OR10G3: variants seen among roughly 807,000 people sequenced by gnomAD.
OR10G3 encodes olfactory receptor 10G3.
OR10G3 carries 8 observed loss-of-function variants against 13.4 expected under a neutral mutation model. That is an observed-to-expected ratio of 0.60 (90% CI 0.35 to 1.08). The LOEUF is 1.08. Ranked by LOEUF, OR10G3 falls within the 50% of genes least tolerant of loss-of-function variation. The probability of loss-of-function intolerance (pLI) is 0.02; values close to 1 mark genes in which losing one functional copy is unlikely to be tolerated. For synonymous variants in OR10G3, 142 were observed against 156.1 expected (o/e 0.91, Z 0.67); for missense variants, 393 against 386.6 (o/e 1.02, Z -0.14).
rs900146806 is a variant in OR10G3, at chr14:21,576,351, G to A, written c.-18+3435C>T. ...TTAATACTTCATGGTCCCTGGAAAT[G>A]AAATTAGGAATCAAATGTGTAATTC... On this transcript the variant is annotated intron_variant, in intron 1 of 1. Coordinates refer to ENST00000641040, the MANE Select transcript of OR10G3 (RefSeq NM_001005465.2). Among the ~76,000 whole-genome samples the A allele has an allele frequency of 4.6e-5, 7 of 152,318 alleles. No individual in the cohort carries two copies. In the South Asian group the frequency reaches 1.4e-3, roughly 32 times the overall value.
intron 1 of OR10G3, among the ~76,000 whole-genome samples, chr14:21,576,125 G>A (rs1274134804): frequency 7.9e-5 from 12 of 152,178 alleles, no homozygotes; most frequent in African/African-American, 2.4e-5. Context: ...GGTCACTGAG[G>A]TCTGTTGTTA....
chr14:21,570,687 G>A lies in OR10G3; in HGVS notation c.58C>T (p.Pro20Ser), dbSNP rs1193169005. The A allele has an allele frequency of 1.2e-6, 2 of 1,605,820 alleles. No individual in the cohort carries two copies. Residue 20 changes from proline (P) to serine (S), a missense_variant, in exon 2 of 2, where the codon CCA becomes TCA. By Grantham distance (74) the Pro-to-Ser change is moderately conservative. Coordinates refer to ENST00000641040, the MANE Select transcript of OR10G3 (RefSeq NM_001005465.2). Reference protein sequence around the residue: ...TAFILTGIPYPLRLRTLFFVF... With the variant: ...TAFILTGIPYSLRLRTLFFVF... ...AAAAAGAGTGTCCTTAGCCTGAGTG[G>A]ATACGGAATTCCTGTCAGGATAAAC...
Position 21,570,537 on chromosome 14 carries a change from T to A in OR10G3, c.208A>T (p.Ile70Phe). 1 of 1,614,156 alleles carries A rather than the reference T, an allele frequency of 6.2e-7. No individual in the cohort carries two copies. The highest frequency in any genetic ancestry group is 8.5e-7 in the Non-Finnish European group (1 of 1,180,024). Reference protein sequence around the residue: ...MYIFLGVLSVIDMSISSIIVP... With the variant: ...MYIFLGVLSVFDMSISSIIVP... ...ATGATGGAGGAGATGCTCATATCAA[T>A]GACTGAGAGAACACCAAGAAAGATG... Residue 70 changes from isoleucine (I) to phenylalanine (F), a missense_variant, in exon 2 of 2, where the codon ATT (isoleucine) becomes TTT (phenylalanine). By Grantham distance (21) the Ile-to-Phe change is conservative. Coordinates refer to ENST00000641040, the MANE Select transcript of OR10G3 (RefSeq NM_001005465.2).
rs1345372120 is a variant in OR10G3 at position 21,569,629 on chromosome 14, G to A, written c.*174C>T. 2.5e-5 allele frequency: 15 copies of A among 603,190 alleles called. No homozygotes were observed. Among genetic ancestry groups the A allele is most frequent in the Non-Finnish European group, 4.0e-5 (14 of 348,144 alleles). The allele number at this position is 603,190 out of a possible 1,614,324, so 37.4% of individuals were successfully genotyped here. A position where few individuals can be genotyped will look rare whatever the true frequency, so the allele number is the denominator to read the frequency against. On this transcript the variant is annotated 3_prime_UTR_variant, in exon 2 of 2. Transcript: ENST00000641040. ...TCTTGCAGTGGCTGAGAGTTATCTT[G>A]AGAGGATACTAAGGAACTGTTAGAA...
intron 1 of OR10G3, among the ~76,000 whole-genome samples, chr14:21,577,824 G>C (rs1876783625): frequency 6.6e-6 from 1 of 152,062 alleles, no homozygotes; most frequent in South Asian, 2.1e-4. Context: ...CCAACGTGAA[G>C]AAACCCCGTC....
chr14:21,576,191 G>A (rs1439864583), intron 1 of OR10G3, among the ~76,000 whole-genome samples: 1 of 152,204 alleles, frequency 6.6e-6, no homozygotes, highest in African/African-American at 2.4e-5. Flanking sequence ...GAATCAGGCT[G>A]AGGGAAATCA....
chr14:21,575,642 G>C (rs1229874654), intron 1 of OR10G3, among the ~76,000 whole-genome samples: 2 of 152,172 alleles, frequency 1.3e-5, no homozygotes, highest in African/African-American at 4.8e-5. Context: ...GCCTCCCAAA[G>C]TACTGGGATT....
In OR10G3 at chr14:21,569,927, G is replaced by C; in HGVS notation, c.818C>G (p.Ala273Gly). 1 of 1,613,296 alleles carries C rather than the reference G, an allele frequency of 6.2e-7. No homozygotes were observed. The highest frequency in any genetic ancestry group is 8.5e-7 in the Non-Finnish European group (1 of 1,179,556). ...AGTGATGGCCGTGGGGACTAGGGCA[G>C]CTGCCCCATCCAGGGGGCTGTTGGT... ...PETNSPLDGA[A>G]ALVPTAITPF... is the part of the protein sequence containing the mutation. The change falls in exon 2 of 2, where the codon GCT becomes GGT. Residue 273 changes from alanine to glycine, a missense_variant. Ala to Gly is a moderately conservative substitution (Grantham distance 60). Coordinates refer to ENST00000641040, the MANE Select transcript of OR10G3 (RefSeq NM_001005465.2).
intron 1 of OR10G3, 120 bp from the exon 2 acceptor site, chr14:21,570,881 G>A: frequency 1.6e-6 from 1 of 610,658 alleles, no homozygotes; most frequent in East Asian, 2.8e-5. Context: ...GTGGAAAGAT[G>A]ACAAGTAGGG....
chr14:21,579,621 G>T (rs2139716382), intron 1 of OR10G3, among the ~76,000 whole-genome samples, 165 bp downstream of exon 1: 1 of 152,250 alleles, frequency 6.6e-6, no homozygotes, highest in South Asian at 2.1e-4. Context: ...AAATTTTTGT[G>T]ACAGCAGAAA....
rs989188226 is a variant in OR10G3 at position 21,578,244 on chromosome 14, C to A, written c.-18+1542G>T. On this transcript the variant is annotated intron_variant, in intron 1 of 1. Coordinates refer to ENST00000641040, the MANE Select transcript of OR10G3 (RefSeq NM_001005465.2). Reference sequence around the variant, plus strand: ...TGGCCAACATGGTGAAACCTCGTCTCTACTAAAAATACAAAAATTAGCTGG... The same window carrying A: ...TGGCCAACATGGTGAAACCTCGTCTATACTAAAAATACAAAAATTAGCTGG... Among the ~76,000 whole-genome samples the A allele has an allele frequency of 4.6e-5, 7 of 151,334 alleles. No individual in the cohort carries two copies. In the East Asian group the frequency reaches 1.4e-3, roughly 30 times the overall value.
chr14:21,577,467 C>T (rs909209433), intron 1 of OR10G3, among the ~76,000 whole-genome samples: 14 of 152,176 alleles, frequency 9.2e-5, no homozygotes, highest in African/African-American at 3.4e-4. Context: ...ACTGAAAATT[C>T]CTTCCCACAA....
rs775669131 is a variant in OR10G3, at chr14:21,569,847, G to A, written c.898C>T (p.Leu300=). ...CTTGGGCTTCTGAGCATTCTTTTCA[G>A]GGCCAGCTTCACCTCTTGGTTCCGC... ...TLRNQEVKLA[L]KRMLRSPRTP... Residue 300 remains leucine, a synonymous_variant, in exon 2 of 2, where the codon CTG becomes TTG. Transcript: ENST00000641040. 1.1e-5 allele frequency: 17 copies of A among 1,614,056 alleles called. No homozygotes were observed. The highest frequency in any genetic ancestry group is 1.4e-5 in the Non-Finnish European group (17 of 1,180,038).
chr14:21,575,993 C>T (rs113728449), intron 1 of OR10G3, among the ~76,000 whole-genome samples: 2,669 of 152,270 alleles, frequency 0.018, 73 homozygotes, highest in African/African-American at 0.061. Flanking sequence ...TACAGAGGCT[C>T]AAGTTCCCAC....
At chr14:21,575,296 T>A (rs1300232315) in intron 1 of OR10G3, among the ~76,000 whole-genome samples, 2 of 151,978 alleles carry the variant, frequency 1.3e-5, no homozygotes, top group East Asian at 3.9e-4. Flanking sequence ...TTAGCCAGGA[T>A]GGTCTCGATC....
At chr14:21,579,597 C>T (rs927556717) in intron 1 of OR10G3, among the ~76,000 whole-genome samples, 189 bp downstream of exon 1, 3 of 152,054 alleles carry the variant, frequency 2.0e-5, no homozygotes, top group African/African-American at 7.2e-5. Flanking sequence ...GTCATATGAG[C>T]AGAACAGCAA....
chr14:21,572,640 A>T (rs928916366), intron 1 of OR10G3, among the ~76,000 whole-genome samples: 21 of 148,912 alleles, frequency 1.4e-4, no homozygotes, highest in African/African-American at 4.2e-4. Flanking sequence ...AAGAAGGAAA[A>T]GGGTTGGAAT....
chr14:21,574,528 G>A (rs760455330), intron 1 of OR10G3, among the ~76,000 whole-genome samples: 4 of 152,152 alleles, frequency 2.6e-5, no homozygotes, highest in Non-Finnish European at 5.9e-5. Flanking sequence ...GTAAGTCATC[G>A]TAGACAGATG....
chr14:21,570,603 T>G lies in OR10G3; in HGVS notation c.142A>C (p.Thr48Pro). 1 of 1,613,876 alleles carries G rather than the reference T, an allele frequency of 6.2e-7. No individual in the cohort carries two copies. Among genetic ancestry groups the G allele is most frequent in the Non-Finnish European group, 8.5e-7 (1 of 1,179,952 alleles). Residue 48 changes from threonine to proline, a missense_variant, in exon 2 of 2, where the codon ACT (threonine) becomes CCT (proline). Transcript: ENST00000641040. ...TGGAGCCTTGGGTCTGCCCAGACAG[T>G]GATTAAAATAAGCAGGTTTCCCAGC... Reference protein sequence around the residue: ...TQLGNLLILITVWADPRLHAR... With the variant: ...TQLGNLLILIPVWADPRLHAR...
Sources: gnomAD v4.1 joint callset for allele counts (sites outside exome capture counted in the v4.1 genomes callset) on GRCh38, gnomAD v4.1.1 for gene constraint, MANE v1.5 for transcripts, NCBI Gene and HGNC (gene_info 2026-07-23, HGNC 2026-07-21) for gene names.